The following NFILZ variants were observed in gnomAD, a reference collection of about 807,000 sequenced individuals.
NFILZ encodes the protein NFIL3 like basic leucine zipper, also known as NFIL3 like protein.
rs1171293286 is a variant in NFILZ at position 8,636,259 on chromosome 19, C to G, written c.-164+513C>G. On this transcript the variant is annotated intron_variant, in intron 3 of 5. Transcript: ENST00000691075. The stretch of plus-strand genomic sequence containing the variant: ...GGTCAGGAGTTCGAGACCAGCCTGA[C>G]CAACATGGTGAAACCCCGTCTCTAC... Among the ~76,000 whole-genome samples the G allele has an allele frequency of 2.0e-5, 3 of 150,918 alleles. No individual in the cohort carries two copies. In the East Asian group the frequency reaches 6.2e-4, roughly 31 times the overall value.
At chr19:8,670,032 A>T (rs1366911884) in intron 3 of NFILZ, among the ~76,000 whole-genome samples, 1 of 152,180 alleles carries the variant, frequency 6.6e-6, no homozygotes, top group East Asian at 1.9e-4. Context: ...GGATGGGTCC[A>T]GCAAAGGTGG....
intron 3 of NFILZ, among the ~76,000 whole-genome samples, chr19:8,663,849 T>A (rs1178162387): frequency 6.6e-6 from 1 of 151,716 alleles, no homozygotes; most frequent in Non-Finnish European, 1.5e-5. Context: ...ATGTAGGGAC[T>A]CAGGTGCCTC....
At chr19:8,674,342 C>T (rs187269204) in intron 3 of NFILZ, among the ~76,000 whole-genome samples, 1 of 152,294 alleles carries the variant, frequency 6.6e-6, no homozygotes, top group Admixed American at 6.5e-5. Context: ...ATTATAATTT[C>T]ACTCAACTTT....
intron 3 of NFILZ, among the ~76,000 whole-genome samples, chr19:8,639,591 A>G (rs1215370509): frequency 6.7e-6 from 1 of 149,642 alleles, no homozygotes; most frequent in Admixed American, 6.7e-5. Flanking sequence ...ACCATCTCTT[A>G]AGAAAATTAA....
At chr19:8,644,342 C>G (rs2146141656) in intron 3 of NFILZ, among the ~76,000 whole-genome samples, 1 of 152,240 alleles carries the variant, frequency 6.6e-6, no homozygotes, top group South Asian at 2.1e-4. Context: ...CTCAAGTGAT[C>G]CACATGCCTC....
At chr19:8,667,397 T>C (rs1269201351) in intron 3 of NFILZ, among the ~76,000 whole-genome samples, 1 of 152,184 alleles carries the variant, frequency 6.6e-6, no homozygotes, top group Non-Finnish European at 1.5e-5. Flanking sequence ...TCTTGGATTT[T>C]CTGGGAACTA....
intron 3 of NFILZ, among the ~76,000 whole-genome samples, chr19:8,639,695 C>T (rs1298228058): frequency 6.6e-6 from 1 of 151,806 alleles, no homozygotes; most frequent in Non-Finnish European, 1.5e-5. Flanking sequence ...ATGATAATAG[C>T]ACCTACCTGA....
chr19:8,664,280 G>C (rs2043051346), intron 3 of NFILZ, among the ~76,000 whole-genome samples: 1 of 152,194 alleles, frequency 6.6e-6, no homozygotes, highest in Non-Finnish European at 1.5e-5. Context: ...GCTCAGGAAA[G>C]AGGAGTCACT....
chr19:8,633,222 G>C (rs1475407723), intron 2 of NFILZ, among the ~76,000 whole-genome samples: 7 of 151,784 alleles, frequency 4.6e-5, no homozygotes, highest in Admixed American at 6.6e-5. Context: ...GGGTTTTACC[G>C]TGTTGGCCAG....
Position 8,679,717 on chromosome 19 carries a change from T to A in NFILZ, c.*2082T>A, listed in dbSNP as rs1476256146. 6.6e-6 allele frequency among the ~76,000 whole-genome samples: 1 copy of A among 152,040 alleles called. No homozygotes were observed. Among genetic ancestry groups the A allele is most frequent in the Non-Finnish European group, 1.5e-5 (1 of 68,022 alleles). On this transcript the variant is annotated 3_prime_UTR_variant, in exon 6 of 6. Coordinates refer to ENST00000691075, the MANE Select transcript of NFILZ (RefSeq NM_001378600.1). The stretch of plus-strand genomic sequence containing the variant: ...ATTGGGCAAGATCAGCCCTTCTCCT[T>A]CCCTCCATGCCTGACCTTCCAGCAG...
At chr19:8,672,412 TA>T (rs2043092062) in intron 3 of NFILZ, among the ~76,000 whole-genome samples, 1 of 152,202 alleles carries the variant, frequency 6.6e-6, no homozygotes, top group Non-Finnish European at 1.5e-5. Context: ...TTCATGCATT[TA>T]TGAGTTAATT....
At chr19:8,652,936 C>T (rs974676362) in intron 3 of NFILZ, among the ~76,000 whole-genome samples, 4 of 147,928 alleles carry the variant, frequency 2.7e-5, no homozygotes, top group Non-Finnish European at 6.0e-5. Context: ...CTCTCTCTTT[C>T]TCTCTTTCTC....
chr19:8,635,064 C>T (rs1555745961), intron 2 of NFILZ, among the ~76,000 whole-genome samples: 1 of 151,958 alleles, frequency 6.6e-6, no homozygotes, highest in Non-Finnish European at 1.5e-5. Context: ...AATCCTAGCA[C>T]TTTGGGAGGC....
At chr19:8,668,373 A>C (rs1329693441) in intron 3 of NFILZ, among the ~76,000 whole-genome samples, 1 of 151,900 alleles carries the variant, frequency 6.6e-6, no homozygotes, top group Non-Finnish European at 1.5e-5. Flanking sequence ...ATACAGAGGA[A>C]TGATGGTATA....
In NFILZ at chr19:8,678,733, A is replaced by C. The variant is rs986038467; in HGVS notation, c.*1098A>C. On this transcript the variant is annotated 3_prime_UTR_variant, in exon 6 of 6. Transcript: ENST00000691075. Reference sequence around the variant, plus strand: ...CATCCATCCTTTCATTCATTTATTCATTTAGCCACTCATTTATGTGCTAAC... The same window carrying C: ...CATCCATCCTTTCATTCATTTATTCCTTTAGCCACTCATTTATGTGCTAAC... Among the ~76,000 whole-genome samples the C allele has an allele frequency of 1.3e-5, 2 of 152,170 alleles. No homozygotes were observed. The highest frequency in any genetic ancestry group is 6.5e-5 in the Admixed American group (1 of 15,280).
At chr19:8,663,614 G>A (rs2043042953) in intron 3 of NFILZ, among the ~76,000 whole-genome samples, 1 of 152,040 alleles carries the variant, frequency 6.6e-6, no homozygotes, top group Non-Finnish European at 1.5e-5. Context: ...GCTCGCGGGC[G>A]TTGGGAGGTA....
In NFILZ at chr19:8,678,057, C is replaced by T. The variant is rs7507638; in HGVS notation, c.*422C>T. ...CCATCCATCCATCCATCCATCCACC[C>T]ATCTATTCATCCATCCATCAATCCA... On this transcript the variant is annotated 3_prime_UTR_variant, in exon 6 of 6. Transcript: ENST00000691075. Among the ~76,000 whole-genome samples the T allele has an allele frequency of 8.2e-3, 242 of 29,602 alleles. 3 individuals carry two copies. The highest frequency in any genetic ancestry group is 0.023 in the African/African-American group (217 of 9,344). The allele number at this position is 29,602 out of a possible 152,430, so 19.4% of individuals were successfully genotyped here.
At chr19:8,663,736 G>GCA (rs1453973086) in intron 3 of NFILZ, among the ~76,000 whole-genome samples, 60,336 of 136,116 alleles carry the variant, frequency 0.44, 14,743 homozygotes, top group Non-Finnish European at 0.57. Flanking sequence ...GTGTGTGTGT[G>GCA]TGTGTGTGTG....
chr19:8,649,644 G>T (rs1600143984), intron 3 of NFILZ, among the ~76,000 whole-genome samples: 1 of 152,128 alleles, frequency 6.6e-6, no homozygotes, highest in African/African-American at 2.4e-5. Context: ...CTGTTTTACT[G>T]AACTTTGGTT....
Sources: allele counts gnomAD v4.1 joint callset (sites outside exome capture counted in the v4.1 genomes callset), GRCh38; gene constraint gnomAD v4.1.1; transcripts MANE v1.5; gene names NCBI Gene and HGNC (gene_info 2026-07-23, HGNC 2026-07-21).